HYAL4: variants seen among roughly 807,000 people sequenced by gnomAD.
The protein encoded by HYAL4 is hyaluronidase-4.
Under a neutral mutation model 35.2 loss-of-function variants are expected in HYAL4, and 37 were observed. That is an observed-to-expected ratio of 1.05 (90% CI 0.81 to 1.38). The LOEUF (loss-of-function observed/expected upper bound fraction) is 1.38. Ranked by LOEUF, HYAL4 falls within the 40% of genes most tolerant of loss-of-function variation. The pLI, the probability that HYAL4 is intolerant of heterozygous loss-of-function variation, is 0.00. For missense variants in HYAL4, 572 were observed against 572.4 expected, an observed-to-expected ratio of 1.00 and a Z score of 0.01; for synonymous variants, 198 against 203.2, an observed-to-expected ratio of 0.97 and a Z score of 0.22.
the HYAL4 span, chr7:123,814,951 A>G: frequency 6.6e-6 from 1 of 152,540 alleles, no homozygotes; most frequent in Non-Finnish European, 1.5e-5. Flanking sequence ...GGTTGCTGAA[A>G]TGGCTAGACA....
the HYAL4 span, among the ~76,000 whole-genome samples, chr7:123,783,693 G>T: frequency 6.6e-6 from 1 of 152,194 alleles, no homozygotes; most frequent in East Asian, 1.9e-4. Context: ...GTGATGGGGG[G>T]CAAATATAAG....
the HYAL4 span, among the ~76,000 whole-genome samples, chr7:123,807,432 GTTTTTTTTTTTTT>G: frequency 8.3e-6 from 1 of 120,772 alleles, no homozygotes; most frequent in Non-Finnish European, 1.7e-5. Flanking sequence ...ACTTTTTATG[GTTTTTTTTTTTTT>G]TTTTTTTGAG....
At chr7:123,876,136 C>T (rs1330236258) in intron 4 of HYAL4, 3 of 438,062 alleles carry the variant, frequency 6.8e-6, no homozygotes, top group African/African-American at 2.0e-5. Context: ...ACCATATACA[C>T]AAAAGTTACT....
intron 2 of HYAL4, among the ~76,000 whole-genome samples, chr7:123,853,929 T>C (rs1322914564): frequency 2.0e-5 from 3 of 152,204 alleles, no homozygotes; most frequent in Non-Finnish European, 4.4e-5. Flanking sequence ...TATTCAGGGA[T>C]TTGACTTCTT....
the HYAL4 span, among the ~76,000 whole-genome samples, chr7:123,773,326 C>T: frequency 6.6e-6 from 1 of 152,072 alleles, no homozygotes; most frequent in Middle Eastern, 3.2e-3. Flanking sequence ...TAAATATTTA[C>T]TGTTTCATTT....
the HYAL4 span, among the ~76,000 whole-genome samples, chr7:123,778,198 A>AC: frequency 7.7e-6 from 1 of 130,446 alleles, no homozygotes; most frequent in African/African-American, 2.9e-5. Flanking sequence ...TCTATCTATC[A>AC]CCTATTCGTA....
chr7:123,821,776 G>A, the HYAL4 span, among the ~76,000 whole-genome samples: 1 of 152,094 alleles, frequency 6.6e-6, no homozygotes, highest in Non-Finnish European at 1.5e-5. Context: ...TACAGTATTC[G>A]GTCTAATGTT....
chr7:123,787,867 A>G, the HYAL4 span, among the ~76,000 whole-genome samples: 1 of 152,228 alleles, frequency 6.6e-6, no homozygotes, highest in Non-Finnish European at 1.5e-5. Context: ...AACAGCAGGG[A>G]AATCCAAAAA....
the HYAL4 span, chr7:123,814,634 T>A: frequency 3.9e-5 from 6 of 152,582 alleles, no homozygotes; most frequent in African/African-American, 1.4e-4. Context: ...TCATCCTTAT[T>A]GGTCAGAAAT....
intron 2 of HYAL4, among the ~76,000 whole-genome samples, chr7:123,865,024 AGTTCTCTTTCAACTACAGT>A (rs1165526396): frequency 2.0e-5 from 3 of 151,984 alleles, no homozygotes; most frequent in Non-Finnish European, 4.4e-5. Flanking sequence ...ACAGTTCACC[AGTTCTCTTTCAACTACAGT>A]GTCTTCCCTG....
chr7:123,780,105 C>T, the HYAL4 span, among the ~76,000 whole-genome samples: 1 of 152,070 alleles, frequency 6.6e-6, no homozygotes, highest in African/African-American at 2.4e-5. Context: ...CCTGTAATAA[C>T]AGTAATAATA....
chr7:123,807,452 T>TTTTTTTTTTTTA, the HYAL4 span, among the ~76,000 whole-genome samples: 1 of 145,108 alleles, frequency 6.9e-6, no homozygotes, highest in Non-Finnish European at 1.5e-5. Flanking sequence ...TTTTTTTTTT[T>TTTTTTTTTTTTA]GAGACAGAGT....
At chr7:123,768,758 G>C in the HYAL4 span, among the ~76,000 whole-genome samples, 1 of 152,172 alleles carries the variant, frequency 6.6e-6, no homozygotes, top group Non-Finnish European at 1.5e-5. Flanking sequence ...CCTGAATTTT[G>C]AGTTTCAAGA....
chr7:123,767,337 T>G, the HYAL4 span, among the ~76,000 whole-genome samples: 11 of 152,336 alleles, frequency 7.2e-5, no homozygotes, highest in South Asian at 1.9e-3. Context: ...TGTTTTGTTT[T>G]GTTTGGTGAA....
At chr7:123,824,750 G>A (rs1474798700), upstream of HYAL4, among the ~76,000 whole-genome samples, 1 of 151,978 alleles carries the variant, frequency 6.6e-6, no homozygotes, top group Non-Finnish European at 1.5e-5. Flanking sequence ...AAATCCACTT[G>A]GATCATGAAA....
the HYAL4 span, among the ~76,000 whole-genome samples, chr7:123,782,391 A>T: frequency 0.33 from 50,770 of 151,810 alleles, 8,768 homozygotes; most frequent in Middle Eastern, 0.43. Context: ...TAAGAACATT[A>T]CATTATGTTT....
chr7:123,779,280 A>G, the HYAL4 span, among the ~76,000 whole-genome samples: 1 of 152,160 alleles, frequency 6.6e-6, no homozygotes, highest in Non-Finnish European at 1.5e-5. Context: ...TGAGAAGAAA[A>G]AGGTTAAGAA....
intron 3 of HYAL4, among the ~76,000 whole-genome samples, chr7:123,869,729 C>T (rs1442620840): frequency 6.6e-6 from 1 of 151,498 alleles, no homozygotes; most frequent in Non-Finnish European, 1.5e-5. Flanking sequence ...TTCTTGTCAC[C>T]TAGGCTGGAG....
the HYAL4 span, among the ~76,000 whole-genome samples, chr7:123,822,237 G>A: frequency 1.2e-4 from 18 of 152,112 alleles, no homozygotes; most frequent in Admixed American, 6.6e-5. Flanking sequence ...ACTTTGGATA[G>A]TATGGACATT....
Sources: gnomAD v4.1 joint callset for allele counts (sites outside exome capture counted in the v4.1 genomes callset) on GRCh38, gnomAD v4.1.1 for gene constraint, MANE v1.5 for transcripts, NCBI Gene and HGNC (gene_info 2026-07-23, HGNC 2026-07-21) for gene names.